The following GUF1 variants were observed in gnomAD, a reference collection of about 807,000 sequenced individuals.
GUF1 encodes GTP binding elongation factor GUF1.
A neutral mutation model predicts 82.4 loss-of-function variants in GUF1; 78 were observed. The observed-to-expected ratio is 0.95, with a 90% CI of 0.79 to 1.14. The LOEUF is 1.14. Ranked by LOEUF, GUF1 falls within the 50% of genes most tolerant of loss-of-function variation. GUF1 has a pLI of 0.00. For missense variants in GUF1, 814 were observed against 798.2 expected (o/e 1.02, Z -0.24); for synonymous variants, 279 against 282.3 (o/e 0.99, Z 0.12).
In GUF1 at chr4:44,700,641, G is replaced by A. The variant is rs1255445946; in HGVS notation, c.*1960G>A. On this transcript the variant is annotated 3_prime_UTR_variant, in exon 17 of 17. Coordinates refer to ENST00000281543, the MANE Select transcript of GUF1 (RefSeq NM_021927.3). The stretch of plus-strand genomic sequence containing the variant: ...GAGGACCTCCTGAGGCTGTGTCATG[G>A]GCACACCTTAACCCTGGGAAAATAA... 6.6e-6 allele frequency: 1 copy of A among 152,080 alleles called. No homozygotes were observed. 9.4% of individuals were successfully genotyped at this position (152,080 alleles called of 1,614,324 possible). A position where few individuals can be genotyped will look rare whatever the true frequency, so the allele number is the denominator to read the frequency against.
chr4:44,685,927 A>C, intron 6 of GUF1, 32 bp from the exon 7 acceptor site: 1 of 1,463,172 alleles, frequency 6.8e-7, no homozygotes. Context: ...CTTAACTTTA[A>C]ATGCTTATAT....
chr4:44,689,146 C>G (rs1193999054), intron 9 of GUF1, 140 bp from the exon 10 acceptor site: 1 of 669,698 alleles, frequency 1.5e-6, no homozygotes, highest in East Asian at 3.4e-5. Flanking sequence ...TTTTAGCAAA[C>G]CAATATTTTG....
At chr4:44,689,458 G>A (rs748515910) in intron 10 of GUF1, 49 bp downstream of exon 10, 6 of 1,499,684 alleles carry the variant, frequency 4.0e-6, no homozygotes, top group South Asian at 1.4e-5. Flanking sequence ...TGTAAATGGT[G>A]TATTTTAAAA....
rs1715760453 is a variant in GUF1, at chr4:44,695,635, G to A, written c.1736G>A (p.Gly579Asp). ...VVHKDKAHSI[G>D]KAICERLKDS... ...CTCAGAGACAAAGCTCATTCAATTGGCAAAGCCATATGTGAACGGCTGAAG... is the reference window on the plus strand; with the variant it reads ...CTCAGAGACAAAGCTCATTCAATTGACAAAGCCATATGTGAACGGCTGAAG... Residue 579 changes from glycine (G) to aspartate (D), a missense_variant, in exon 15 of 17, where the codon GGC (glycine) becomes GAC (aspartate). Gly to Asp is a moderately conservative substitution (Grantham distance 94). Transcript: ENST00000281543. The A allele has an allele frequency of 2.5e-6, 4 of 1,611,118 alleles. No homozygotes were observed. The highest frequency in any genetic ancestry group is 1.3e-5 in the African/African-American group (1 of 74,850).
At chr4:44,690,018 A>C (rs1715333249) in intron 11 of GUF1, 43 bp downstream of exon 11, 1 of 1,441,572 alleles carries the variant, frequency 6.9e-7, no homozygotes, top group South Asian at 1.5e-5. Context: ...GTTTTGCATT[A>C]GTCTCTTGGA....
rs368897009 is a variant in GUF1 at position 44,689,835 on chromosome 4, T to C, written c.1203-8T>C. The C allele has an allele frequency of 2.2e-5, 35 of 1,590,952 alleles. No homozygotes were observed. In the African/African-American group the frequency reaches 4.7e-4, roughly 22 times the overall value. On this transcript the variant is annotated splice_region_variant and splice_polypyrimidine_tract_variant and intron_variant, in intron 10 of 16. Coordinates refer to ENST00000281543, the MANE Select transcript of GUF1 (RefSeq NM_021927.3). ...AAACATTTTGGAGTTTGTCTTTTCC[T>C]CCCCCAGGCTAGGATTTCTTGGACT... is the stretch of plus-strand genomic sequence containing the variant.
intron 1 of GUF1, 37 bp from the exon 2 acceptor site, chr4:44,680,404 A>T (rs781686221): frequency 5.0e-6 from 5 of 994,532 alleles, no homozygotes; most frequent in Non-Finnish European, 7.7e-6. Context: ...TAGTATGCCA[A>T]ATTTATACTC....
At chr4:44,685,384 A>G (rs12499960) in intron 6 of GUF1, among the ~76,000 whole-genome samples, 113,356 of 151,972 alleles carry the variant, frequency 0.75, 42,672 homozygotes, top group Admixed American at 0.81. Flanking sequence ...GAGAAATCCT[A>G]GTCTAGAGTG....
At position 44,689,214 on chromosome 4, in the gene GUF1, G is replaced by C. The variant is rs1245892776; in HGVS notation, c.1079-72G>C. On this transcript the variant is annotated intron_variant, in intron 9 of 16. Transcript: ENST00000281543. Reference sequence around the variant, plus strand: ...TAAATGACTAATTTGGAACTTGGCAGCACTACACATGTGGTTTGATAGGTC... The same window carrying C: ...TAAATGACTAATTTGGAACTTGGCACCACTACACATGTGGTTTGATAGGTC... The C allele has an allele frequency of 3.8e-6, 5 of 1,315,988 alleles. No individual in the cohort carries two copies. In the Admixed American group the frequency reaches 1.4e-4, roughly 37 times the overall value. 81.5% of individuals were successfully genotyped at this position (1,315,988 alleles called of 1,614,324 possible). A position where few individuals can be genotyped will look rare whatever the true frequency, so the allele number is the denominator to read the frequency against.
At chr4:44,686,379 G>T in intron 7 of GUF1, 131 bp from the exon 8 acceptor site, 1 of 504,982 alleles carries the variant, frequency 2.0e-6, no homozygotes, top group Non-Finnish European at 3.4e-6. Flanking sequence ...TTATAAAAAG[G>T]TCTTTTTATT....
intron 13 of GUF1, 114 bp from the exon 14 acceptor site, chr4:44,694,298 T>A: frequency 4.5e-6 from 3 of 671,736 alleles, no homozygotes; most frequent in Non-Finnish European, 8.0e-6. Context: ...TGGAAACATA[T>A]CTCTTTGGGG....
chr4:44,678,873 G>A, intron 1 of GUF1, 86 bp downstream of exon 1: 1 of 1,346,308 alleles, frequency 7.4e-7, no homozygotes, highest in South Asian at 1.5e-5. Context: ...GGGCTTTCTG[G>A]GACTAGCTCT....
intron 1 of GUF1, 100 bp downstream of exon 1, chr4:44,678,887 C>T (rs1168993148): frequency 1.6e-6 from 2 of 1,239,510 alleles, no homozygotes; most frequent in South Asian, 1.6e-5. Context: ...TAGCTCTGAA[C>T]CCTGCTTGCA....
intron 13 of GUF1, among the ~76,000 whole-genome samples, chr4:44,693,391 G>A (rs1005251852): frequency 3.9e-4 from 60 of 152,056 alleles, no homozygotes; most frequent in African/African-American, 1.4e-3. Context: ...AGCTGGAGCT[G>A]TAACAACTTC....
At chr4:44,693,256 G>C (rs1233401326) in intron 13 of GUF1, among the ~76,000 whole-genome samples, 2 of 151,922 alleles carry the variant, frequency 1.3e-5, no homozygotes, top group Non-Finnish European at 2.9e-5. Flanking sequence ...GAATACCTAT[G>C]TTTTCAATAG....
chr4:44,694,577 T>A (rs577384905), intron 14 of GUF1, 64 bp downstream of exon 14: 152 of 1,038,186 alleles, frequency 1.5e-4, no homozygotes, highest in Middle Eastern at 1.1e-3. Context: ...TCATTTATTT[T>A]TGTTTGAGCA....
At chr4:44,692,486 A>G (rs1263432087) in intron 13 of GUF1, among the ~76,000 whole-genome samples, 1 of 151,900 alleles carries the variant, frequency 6.6e-6, no homozygotes, top group Non-Finnish European at 1.5e-5. Context: ...ACGGGATAGT[A>G]TATATAGAAA....
chr4:44,683,425 T>C, intron 6 of GUF1, 107 bp downstream of exon 6: 1 of 603,286 alleles, frequency 1.7e-6, no homozygotes, highest in Non-Finnish European at 2.9e-6. Flanking sequence ...CTGTTTTTTA[T>C]AGTTTTACAA....
chr4:44,700,642 G>C lies in GUF1; in HGVS notation c.*1961G>C, dbSNP rs1469373378. The stretch of plus-strand genomic sequence containing the variant: ...AGGACCTCCTGAGGCTGTGTCATGG[G>C]CACACCTTAACCCTGGGAAAATAAA... On this transcript the variant is annotated 3_prime_UTR_variant, in exon 17 of 17. Coordinates refer to ENST00000281543, the MANE Select transcript of GUF1 (RefSeq NM_021927.3). 1.3e-5 allele frequency: 2 copies of C among 152,136 alleles called. No homozygotes were observed. The highest frequency in any genetic ancestry group is 2.9e-5 in the Non-Finnish European group (2 of 68,040). 9.4% of individuals were successfully genotyped at this position (152,136 alleles called of 1,614,324 possible).
Sources: allele counts gnomAD v4.1 joint callset (sites outside exome capture counted in the v4.1 genomes callset), GRCh38; gene constraint gnomAD v4.1.1; transcripts MANE v1.5; gene names NCBI Gene and HGNC (gene_info 2026-07-23, HGNC 2026-07-21).